ATP6V1A: variants seen among roughly 807,000 people sequenced by gnomAD.
ATP6V1A encodes V-type proton ATPase catalytic subunit A.
A neutral mutation model predicts 70.1 loss-of-function variants in ATP6V1A; 18 were observed. That is an observed-to-expected ratio of 0.26 (90% CI 0.18 to 0.38). The LOEUF is 0.38. Ranked by LOEUF, ATP6V1A falls within the 10% of genes least tolerant of loss-of-function variation. The pLI is 1.00. For synonymous variants in ATP6V1A, 232 were observed against 253.8 expected (o/e 0.91, Z 0.82); for missense variants, 424 against 772.4 (o/e 0.55, Z 5.35).
At chr3:113,751,570 C>T (rs1708586753) in intron 1 of ATP6V1A, among the ~76,000 whole-genome samples, 1 of 151,724 alleles carries the variant, frequency 6.6e-6, no homozygotes, top group Admixed American at 6.6e-5. Flanking sequence ...AAAATGTTTT[C>T]CATATAATTT....
At chr3:113,782,905 T>G (rs972188215) in intron 3 of ATP6V1A, among the ~76,000 whole-genome samples, 4 of 152,066 alleles carry the variant, frequency 2.6e-5, no homozygotes, top group African/African-American at 9.7e-5. Context: ...TTAGGTACTG[T>G]TATACACCTT....
chr3:113,804,165 T>TG (rs1709250357), intron 13 of ATP6V1A, among the ~76,000 whole-genome samples: 1 of 151,900 alleles, frequency 6.6e-6, no homozygotes, highest in South Asian at 2.1e-4. Context: ...TAATTTTTTT[T>TG]TTTTTTTGGC....
At chr3:113,780,629 TA>T in intron 2 of ATP6V1A, 1 of 632,622 alleles carries the variant, frequency 1.6e-6, no homozygotes, top group Non-Finnish European at 2.3e-6. Context: ...AAGGAAATGG[TA>T]ACAGCACAGC....
intron 1 of ATP6V1A, among the ~76,000 whole-genome samples, chr3:113,763,151 G>A (rs1329358169): frequency 6.6e-6 from 1 of 152,010 alleles, no homozygotes; most frequent in Non-Finnish European, 1.5e-5. Flanking sequence ...GGAGTGCAGT[G>A]GCGCAATCTC....
chr3:113,798,848 G>T (rs1390464327), intron 12 of ATP6V1A, among the ~76,000 whole-genome samples: 1 of 152,088 alleles, frequency 6.6e-6, no homozygotes, highest in Non-Finnish European at 1.5e-5. Context: ...AAGGAAAGAT[G>T]GTGTAATTAA....
At chr3:113,800,725 C>T (rs1249716735) in intron 12 of ATP6V1A, among the ~76,000 whole-genome samples, 1 of 151,812 alleles carries the variant, frequency 6.6e-6, no homozygotes, top group East Asian at 1.9e-4. Flanking sequence ...TAAAATAAAC[C>T]CCTTAACATT....
rs533498482 is a variant in ATP6V1A at position 113,793,600 on chromosome 3, A to G, written c.989-1272A>G. The stretch of plus-strand genomic sequence containing the variant: ...CAGATTTAAAACACAGCATGCTTGT[A>G]TAAGAAAGAATCTGTTCTTATTAGA... On this transcript the variant is annotated intron_variant, in intron 8 of 14. Transcript: ENST00000273398. Among the ~76,000 whole-genome samples the G allele has an allele frequency of 1.4e-4, 22 of 152,314 alleles. No individual in the cohort carries two copies. In the South Asian group the frequency reaches 3.3e-3, roughly 23 times the overall value.
intron 12 of ATP6V1A, 140 bp from the exon 13 acceptor site, chr3:113,803,439 CATCA>C: frequency 1.6e-6 from 1 of 644,582 alleles, no homozygotes; most frequent in African/African-American, 1.8e-5. Flanking sequence ...TTAAAAAGAA[CATCA>C]ATCAAAAAGC....
At chr3:113,772,484 T>G (rs1708853534) in intron 1 of ATP6V1A, among the ~76,000 whole-genome samples, 1 of 152,104 alleles carries the variant, frequency 6.6e-6, no homozygotes, top group African/African-American at 2.4e-5. Context: ...TCCCAGCACT[T>G]TGGGAGGCCA....
rs1032609056 is a variant in ATP6V1A at position 113,757,981 on chromosome 3, T to C, written c.-14+10868T>C. 3.3e-5 allele frequency among the ~76,000 whole-genome samples: 5 copies of C among 152,048 alleles called. No individual in the cohort carries two copies. The South Asian group carries it at 1.0e-3, about 32-fold the overall frequency. ...CAACATGGTGAAACCCCATCTCTAC[T>C]GAAAATACAAAAATTAGCTGGGCGT... On this transcript the variant is annotated intron_variant, in intron 1 of 14. Coordinates refer to ENST00000273398, the MANE Select transcript of ATP6V1A (RefSeq NM_001690.4).
chr3:113,791,671 C>A (rs1376982458), intron 8 of ATP6V1A, among the ~76,000 whole-genome samples: 1 of 152,236 alleles, frequency 6.6e-6, no homozygotes, highest in African/African-American at 2.4e-5. Flanking sequence ...TTGCCTGATA[C>A]CAGAAATCAG....
intron 12 of ATP6V1A, 43 bp from the exon 13 acceptor site, chr3:113,803,540 A>C (rs1352876380): frequency 7.0e-7 from 1 of 1,425,984 alleles, no homozygotes; most frequent in Admixed American, 1.8e-5. Context: ...CATCAATCTT[A>C]CATTTTAGAG....
chr3:113,753,717 A>G (rs1296047604), intron 1 of ATP6V1A, among the ~76,000 whole-genome samples: 1 of 142,242 alleles, frequency 7.0e-6, no homozygotes. Flanking sequence ...TTTTCCTGAG[A>G]CAGGATCTTG....
At chr3:113,772,611 C>T (rs1391938348) in intron 1 of ATP6V1A, among the ~76,000 whole-genome samples, 3 of 151,684 alleles carry the variant, frequency 2.0e-5, no homozygotes, top group African/African-American at 7.3e-5. Context: ...ACCTATAGTA[C>T]CAGCTACTCG....
At chr3:113,785,628 C>T (rs1311351772) in intron 5 of ATP6V1A, among the ~76,000 whole-genome samples, 1 of 149,514 alleles carries the variant, frequency 6.7e-6, no homozygotes, top group Non-Finnish European at 1.5e-5. Context: ...ATCACCTCAG[C>T]CTCCCAAGTA....
rs1372265381 is a variant in ATP6V1A, at chr3:113,780,671, C to T, written c.83-379C>T. On this transcript the variant is annotated intron_variant, in intron 2 of 14. Coordinates refer to ENST00000273398, the MANE Select transcript of ATP6V1A (RefSeq NM_001690.4). ...GATAATTGTGTGGCATTCTACCATA[C>T]TACTAGCCAAACCATTTATTCCAAT... The T allele has an allele frequency of 2.7e-6, 3 of 1,107,216 alleles. No individual in the cohort carries two copies. The Admixed American group carries it at 7.8e-5, about 29-fold the overall frequency. 68.6% of individuals were successfully genotyped at this position (1,107,216 alleles called of 1,614,324 possible).
At chr3:113,747,490 C>T (rs1182856084) in intron 1 of ATP6V1A, 1 of 152,390 alleles carries the variant, frequency 6.6e-6, no homozygotes, top group Non-Finnish European at 1.5e-5. Flanking sequence ...TTACCCTCAG[C>T]TCAGGGCTGA....
At chr3:113,773,408 C>T (rs1208066616) in intron 1 of ATP6V1A, among the ~76,000 whole-genome samples, 2 of 151,890 alleles carry the variant, frequency 1.3e-5, no homozygotes, top group African/African-American at 4.8e-5. Flanking sequence ...TAAAGTGTGC[C>T]GTCTTTGGCA....
intron 6 of ATP6V1A, 75 bp from the exon 7 acceptor site, chr3:113,788,638 C>G: frequency 6.9e-7 from 1 of 1,455,222 alleles, no homozygotes; most frequent in Non-Finnish European, 9.3e-7. Flanking sequence ...CGTGAGCCAC[C>G]GCGCCCGGCC....
Sources: allele counts gnomAD v4.1 joint callset (sites outside exome capture counted in the v4.1 genomes callset), GRCh38; gene constraint gnomAD v4.1.1; transcripts MANE v1.5; gene names NCBI Gene and HGNC (gene_info 2026-07-23, HGNC 2026-07-21).